NELL1: variants seen among roughly 807,000 people sequenced by gnomAD.
The protein encoded by NELL1 is neural EGFL like 1.
Under a neutral mutation model 107.4 loss-of-function variants are expected in NELL1, and 76 were observed. The ratio of observed to expected loss-of-function variants is 0.71; its 90% CI spans 0.59 to 0.86. NELL1 has a LOEUF of 0.86. Ranked by LOEUF, NELL1 falls within the 40% of genes least tolerant of loss-of-function variation. NELL1 has a pLI of 0.00. For synonymous variants in NELL1, 353 were observed against 341.2 expected (o/e 1.03, Z -0.38); for missense variants, 1,024 against 1,005.5 (o/e 1.02, Z -0.25).
intron 15 of NELL1, among the ~76,000 whole-genome samples, chr11:21,385,178 CT>C (rs1034228522): frequency 6.6e-5 from 10 of 151,788 alleles, no homozygotes; most frequent in Non-Finnish European, 1.3e-4. Flanking sequence ...CACAATAGTA[CT>C]TTTCGTATGG....
At chr11:20,783,401 G>A (rs2133982153) in intron 2 of NELL1, among the ~76,000 whole-genome samples, 1 of 152,290 alleles carries the variant, frequency 6.6e-6, no homozygotes. Context: ...TTGTCAAAGT[G>A]ACAAGTGGGC....
intron 15 of NELL1, among the ~76,000 whole-genome samples, chr11:21,483,888 T>C (rs1854555042): frequency 1.4e-5 from 2 of 144,976 alleles, no homozygotes; most frequent in African/African-American, 5.0e-5. Context: ...CACACACATA[T>C]ATATATATAT....
chr11:21,180,838 C>A (rs1297879604), intron 13 of NELL1, among the ~76,000 whole-genome samples: 1 of 151,160 alleles, frequency 6.6e-6, no homozygotes, highest in African/African-American at 2.5e-5. Flanking sequence ...TTAAAGAAAT[C>A]TTTCTCCATG....
chr11:20,736,515 GT>G (rs1200378669), intron 2 of NELL1, among the ~76,000 whole-genome samples: 4 of 152,174 alleles, frequency 2.6e-5, no homozygotes, highest in Admixed American at 6.5e-5. Context: ...TCATCTTGGA[GT>G]TTCTCATTCA....
chr11:21,207,254 C>T (rs1004464047), intron 13 of NELL1, among the ~76,000 whole-genome samples: 6 of 152,144 alleles, frequency 3.9e-5, no homozygotes, highest in African/African-American at 1.4e-4. Context: ...ATCTTCCCAG[C>T]AGCTCTGTGT....
Position 21,138,982 on chromosome 11 carries a change from A to C in NELL1, c.1426+25268A>C, listed in dbSNP as rs534877573. 6.0e-4 allele frequency among the ~76,000 whole-genome samples: 92 copies of C among 152,306 alleles called. 1 individual carries two copies. The highest frequency in any genetic ancestry group is 1.2e-3 in the Non-Finnish European group (79 of 68,020). ...TAATGAAGATGGAGTTTGTCATGCA[A>C]TGTCCTCATTGGAGTAGTTTTGTAA... On this transcript the variant is annotated intron_variant, in intron 13 of 19. Transcript: ENST00000357134.
intron 12 of NELL1, among the ~76,000 whole-genome samples, chr11:20,993,111 G>A (rs1289766615): frequency 6.6e-6 from 1 of 152,084 alleles, no homozygotes; most frequent in East Asian, 1.9e-4. Flanking sequence ...TACTTTGTAT[G>A]CCTGGCAAAC....
intron 3 of NELL1, among the ~76,000 whole-genome samples, chr11:20,786,350 CA>C (rs112874692): frequency 2.6e-4 from 32 of 125,324 alleles, no homozygotes; most frequent in East Asian, 2.6e-4. Context: ...AACCCCATCT[CA>C]AAAAAAAAAA....
At chr11:21,135,773 A>G (rs543178456) in intron 13 of NELL1, among the ~76,000 whole-genome samples, 1 of 152,306 alleles carries the variant, frequency 6.6e-6, no homozygotes, top group African/African-American at 2.4e-5. Context: ...TAAATATTAG[A>G]TCATTTTTCT....
At chr11:21,343,545 T>C (rs1294192389) in intron 14 of NELL1, among the ~76,000 whole-genome samples, 1 of 152,178 alleles carries the variant, frequency 6.6e-6, no homozygotes, top group African/African-American at 2.4e-5. Flanking sequence ...AAATCATCCA[T>C]TAGTGTCTGT....
intron 13 of NELL1, among the ~76,000 whole-genome samples, chr11:21,188,817 T>C (rs7115088): frequency 6.6e-6 from 1 of 151,490 alleles, no homozygotes; most frequent in Non-Finnish European, 1.5e-5. Context: ...TGTGACACTA[T>C]AAGCATTTTC....
chr11:21,121,337 C>T (rs1043782109), intron 13 of NELL1, among the ~76,000 whole-genome samples: 26 of 152,146 alleles, frequency 1.7e-4, no homozygotes, highest in African/African-American at 5.8e-4. Flanking sequence ...GAGGAGGGGT[C>T]CTGCTTCCAA....
intron 2 of NELL1, among the ~76,000 whole-genome samples, chr11:20,743,172 G>A (rs550010576): frequency 2.8e-4 from 42 of 152,100 alleles, no homozygotes; most frequent in African/African-American, 9.4e-4. Flanking sequence ...GGCCAACATG[G>A]TGATCTCGCC....
chr11:21,299,371 A>T (rs2133969491), intron 14 of NELL1, among the ~76,000 whole-genome samples: 1 of 151,966 alleles, frequency 6.6e-6, no homozygotes, highest in Admixed American at 6.6e-5. Flanking sequence ...GTACATTTGG[A>T]GGAGAGTAAA....
In NELL1 at chr11:21,370,941, C is replaced by T. The variant is rs4151056; in HGVS notation, c.1638C>T (p.Cys546=). Residue 546 remains cysteine, a synonymous_variant, in exon 15 of 20, where the codon TGC becomes TGT. Transcript: ENST00000357134. ...CATCTGGATTCACAGGAAGCCACTG[C>T]GAGAAAGGTAATCTAGCTTGTTTTA... The part of the protein sequence containing the change: ...VCPSGFTGSH[C]EKDIDECSEG... The T allele has an allele frequency of 0.072, 115,371 of 1,608,180 alleles. 6,385 individuals carry two copies. The highest frequency in any genetic ancestry group is 0.28 in the East Asian group (12,299 of 44,566).
At chr11:20,935,780 A>G (rs972096856) in intron 9 of NELL1, 1 of 152,400 alleles carries the variant, frequency 6.6e-6, no homozygotes, top group Non-Finnish European at 1.5e-5. Flanking sequence ...AGGGTGAGGA[A>G]TGGAGAGGAG....
At chr11:21,533,956 C>G (rs149041720) in intron 15 of NELL1, among the ~76,000 whole-genome samples, 2,022 of 152,152 alleles carry the variant, frequency 0.013, 71 homozygotes, top group Admixed American at 0.076. Context: ...AATATTTAAT[C>G]CAGAGTGTCC....
At chr11:20,750,060 A>C (rs1290267014) in intron 2 of NELL1, among the ~76,000 whole-genome samples, 1 of 152,182 alleles carries the variant, frequency 6.6e-6, no homozygotes, top group African/African-American at 2.4e-5. Context: ...TCCTATCATT[A>C]ATGTATAGGA....
At chr11:21,171,443 T>C (rs1856604952) in intron 13 of NELL1, among the ~76,000 whole-genome samples, 1 of 151,866 alleles carries the variant, frequency 6.6e-6, no homozygotes, top group Non-Finnish European at 1.5e-5. Flanking sequence ...GTATATTTTT[T>C]AACGAAACTG....
Sources: gnomAD v4.1 joint callset for allele counts (sites outside exome capture counted in the v4.1 genomes callset) on GRCh38, gnomAD v4.1.1 for gene constraint, MANE v1.5 for transcripts, NCBI Gene and HGNC (gene_info 2026-07-23, HGNC 2026-07-21) for gene names.